Variants in MYO5A observed in about 807,000 individuals in gnomAD.
The protein encoded by MYO5A is unconventional myosin-Va.
A neutral mutation model predicts 249.7 loss-of-function variants in MYO5A; 98 were observed. The observed-to-expected ratio is 0.39, with a 90% CI of 0.33 to 0.46. The LOEUF (loss-of-function observed/expected upper bound fraction) is 0.46. MYO5A is among the 20% of genes least tolerant of loss of function. MYO5A has a pLI of 0.98. For missense variants in MYO5A, 1,696 were observed against 2,308.8 expected, an observed-to-expected ratio of 0.73 and a Z score of 5.44; for synonymous variants, 778 against 810.6, an observed-to-expected ratio of 0.96 and a Z score of 0.68.
intron 9 of MYO5A, among the ~76,000 whole-genome samples, chr15:52,400,173 TC>T (rs2042685684): frequency 6.6e-6 from 1 of 152,212 alleles, no homozygotes; most frequent in Non-Finnish European, 1.5e-5. Flanking sequence ...TTGATTTTTT[TC>T]AATCCATTTT....
At chr15:52,444,978 G>A (rs1011620452) in intron 1 of MYO5A, among the ~76,000 whole-genome samples, 15 of 152,258 alleles carry the variant, frequency 9.9e-5, no homozygotes, top group Middle Eastern at 6.8e-3. Flanking sequence ...GACAGGTGCC[G>A]GTATGTATTT....
At chr15:52,461,689 G>A (rs968601280) in intron 1 of MYO5A, among the ~76,000 whole-genome samples, 1 of 152,216 alleles carries the variant, frequency 6.6e-6, no homozygotes, top group African/African-American at 2.4e-5. Context: ...TCAGCCAGGT[G>A]TGGTCATTCA....
intron 27 of MYO5A, among the ~76,000 whole-genome samples, chr15:52,353,391 C>T (rs1437311720): frequency 6.6e-6 from 1 of 152,202 alleles, no homozygotes; most frequent in East Asian, 1.9e-4. Context: ...ACAGCAGCTA[C>T]TTCTCCTGTT....
At chr15:52,454,880 T>G (rs2076088640) in intron 1 of MYO5A, among the ~76,000 whole-genome samples, 1 of 151,714 alleles carries the variant, frequency 6.6e-6, no homozygotes, top group South Asian at 2.1e-4. Context: ...TAAAAAGACT[T>G]CAAATGAACA....
In MYO5A at chr15:52,343,107, C is replaced by T. The variant is rs528112167; in HGVS notation, c.4040+10G>A. On this transcript the variant is annotated intron_variant, in intron 31 of 41. Coordinates refer to ENST00000399233, the MANE Select transcript of MYO5A (RefSeq NM_001382347.1). ...TTAATAACATTCCATTTTGAGGAGA[C>T]AAATATAACCTGTTGGCTTGTTTTA... 10 of 1,604,208 alleles carry T rather than the reference C, an allele frequency of 6.2e-6. No homozygotes were observed. In the East Asian group the frequency reaches 1.6e-4, roughly 25 times the overall value.
intron 1 of MYO5A, among the ~76,000 whole-genome samples, chr15:52,444,653 T>C (rs2075851766): frequency 6.6e-6 from 1 of 152,188 alleles, no homozygotes; most frequent in Admixed American, 6.5e-5. Context: ...GGACCAAAGT[T>C]GCTCAACTAA....
intron 5 of MYO5A, among the ~76,000 whole-genome samples, chr15:52,414,755 G>A (rs920043620): frequency 3.3e-5 from 5 of 152,122 alleles, no homozygotes; most frequent in Admixed American, 3.3e-4. Flanking sequence ...GTTGTTTTCT[G>A]ACCCCAAACC....
At chr15:52,475,430 C>T (rs1437909456) in intron 1 of MYO5A, among the ~76,000 whole-genome samples, 1 of 152,144 alleles carries the variant, frequency 6.6e-6, no homozygotes, top group Non-Finnish European at 1.5e-5. Flanking sequence ...CTTCTGCTAG[C>T]TTTTGAATGT....
chr15:52,449,695 A>G (rs1221712294), intron 1 of MYO5A, among the ~76,000 whole-genome samples: 1 of 152,038 alleles, frequency 6.6e-6, no homozygotes, highest in Admixed American at 6.6e-5. Flanking sequence ...CTCTCTTTTA[A>G]TGTGGTGTTA....
At position 52,353,646 on chromosome 15, in the gene MYO5A, G is replaced by A; in HGVS notation, c.3580C>T (p.Pro1194Ser). ...LRSKAKEEER[P>S]QIRGAELEYE... ...TCCAGTTCTGCACCTCTAATTTGTG[G>A]TCTTTCTTCTTCCTAGGGAAAAGTT... The change falls in exon 27 of 42, where the codon CCA becomes TCA. Residue 1194 changes from proline to serine, a missense_variant. Physicochemically the swap from Pro to Ser is moderately conservative, Grantham distance 74 (BLOSUM62 -1). Coordinates refer to ENST00000399233, the MANE Select transcript of MYO5A (RefSeq NM_001382347.1). 6.2e-7 allele frequency: 1 copy of A among 1,613,688 alleles called. No individual in the cohort carries two copies. The highest frequency in any genetic ancestry group is 8.5e-7 in the Non-Finnish European group (1 of 1,179,580).
intron 1 of MYO5A, among the ~76,000 whole-genome samples, chr15:52,470,140 C>T (rs1036238885): frequency 2.0e-5 from 3 of 152,210 alleles, no homozygotes; most frequent in Non-Finnish European, 2.9e-5. Context: ...ACACTGATGA[C>T]GTTCCCTCTG....
chr15:52,391,141 T>C (rs1198180208), intron 12 of MYO5A, among the ~76,000 whole-genome samples: 3 of 152,210 alleles, frequency 2.0e-5, no homozygotes, highest in Non-Finnish European at 4.4e-5. Flanking sequence ...AAATATCCTA[T>C]AAAGTATGTT....
chr15:52,323,304 A>G, intron 37 of MYO5A, 51 bp downstream of exon 37: 1 of 1,510,636 alleles, frequency 6.6e-7, no homozygotes, highest in South Asian at 1.1e-5. Flanking sequence ...TTTTCCTTAA[A>G]AAGGTCAGAG....
At chr15:52,468,023 T>G (rs1027619737) in intron 1 of MYO5A, among the ~76,000 whole-genome samples, 1 of 151,712 alleles carries the variant, frequency 6.6e-6, no homozygotes, top group African/African-American at 2.4e-5. Flanking sequence ...AAAAAACAGG[T>G]AGCGAACAGA....
chr15:52,359,045 T>C (rs1209875495), intron 25 of MYO5A, among the ~76,000 whole-genome samples: 1 of 152,232 alleles, frequency 6.6e-6, no homozygotes, highest in African/African-American at 2.4e-5. Flanking sequence ...ATTTATAAGC[T>C]GTGAACCTGG....
At chr15:52,378,024 C>A (rs866296394) in intron 18 of MYO5A, among the ~76,000 whole-genome samples, 1 of 152,132 alleles carries the variant, frequency 6.6e-6, no homozygotes, top group Non-Finnish European at 1.5e-5. Flanking sequence ...ATAAAGTTTA[C>A]ATTGGAAACC....
intron 34 of MYO5A, chr15:52,331,598 G>T: frequency 1.2e-6 from 1 of 839,156 alleles, no homozygotes; most frequent in Non-Finnish European, 1.4e-6. Flanking sequence ...CTGACTCCAC[G>T]AGGTGTCAGT....
chr15:52,340,011 G>A (rs894838266), intron 32 of MYO5A, among the ~76,000 whole-genome samples, 185 bp downstream of exon 32: 2 of 152,200 alleles, frequency 1.3e-5, no homozygotes, highest in Non-Finnish European at 2.9e-5. Context: ...AAGAGAACCT[G>A]TGCCTTCTTC....
rs756807581 is a variant in MYO5A, at chr15:52,389,434, A to G, written c.1543-71T>C. ...TGATTCCTCTAAAGCATCAGCTGTCAAAAGATCTTTTATTTTTTTTTTTTG... is the reference window on the plus strand; with the variant it reads ...TGATTCCTCTAAAGCATCAGCTGTCGAAAGATCTTTTATTTTTTTTTTTTG... On this transcript the variant is annotated intron_variant, in intron 12 of 41. Transcript: ENST00000399233. The G allele has an allele frequency of 4.1e-6, 6 of 1,456,926 alleles. No individual in the cohort carries two copies. The South Asian group carries it at 7.4e-5, about 18-fold the overall frequency. 90.2% of individuals were successfully genotyped at this position (1,456,926 alleles called of 1,614,324 possible). A position where few individuals can be genotyped will look rare whatever the true frequency, so the allele number is the denominator to read the frequency against.
Sources: allele counts gnomAD v4.1 joint callset (sites outside exome capture counted in the v4.1 genomes callset), GRCh38; gene constraint gnomAD v4.1.1; transcripts MANE v1.5; gene names NCBI Gene and HGNC (gene_info 2026-07-23, HGNC 2026-07-21).